The following EFNA5 variants were observed in gnomAD, a reference collection of about 807,000 sequenced individuals.
The protein encoded by EFNA5 is ephrin-A5.
EFNA5 carries 5 observed loss-of-function variants against 22.9 expected under a neutral mutation model. The ratio of observed to expected loss-of-function variants is 0.22; its 90% CI spans 0.11 to 0.46. The LOEUF (loss-of-function observed/expected upper bound fraction) is 0.46, where lower values mean the gene tolerates loss of function less well. EFNA5 is among the 20% of genes least tolerant of loss of function. The pLI, the probability that EFNA5 is intolerant of heterozygous loss-of-function variation, is 0.99. For missense variants in EFNA5, 237 were observed against 293.3 expected (o/e 0.81, Z 1.40); for synonymous variants, 113 against 112.2 (o/e 1.01, Z -0.04).
intron 1 of EFNA5, among the ~76,000 whole-genome samples, chr5:107,529,861 T>C (rs1282112604): frequency 1.3e-5 from 2 of 152,232 alleles, no homozygotes; most frequent in Non-Finnish European, 2.9e-5. Flanking sequence ...GACAGCATCC[T>C]ACATACAAAT....
intron 1 of EFNA5, among the ~76,000 whole-genome samples, chr5:107,554,628 A>G (rs1218654727): frequency 6.6e-6 from 1 of 152,218 alleles, no homozygotes; most frequent in Non-Finnish European, 1.5e-5. Flanking sequence ...ATTGATAGGC[A>G]AAGAGAAATA....
chr5:107,562,574 T>TAA (rs528594273), intron 1 of EFNA5, among the ~76,000 whole-genome samples: 2 of 151,364 alleles, frequency 1.3e-5, no homozygotes, highest in African/African-American at 2.4e-5. Flanking sequence ...CCATGGCCCA[T>TAA]TAAAAAAAAC....
intron 1 of EFNA5, among the ~76,000 whole-genome samples, chr5:107,594,747 C>T (rs1335051365): frequency 1.3e-5 from 2 of 152,140 alleles, no homozygotes; most frequent in Admixed American, 1.3e-4. Context: ...GCCTTATAGG[C>T]CTGGGGAAAT....
chr5:107,413,440 A>C lies in EFNA5; in HGVS notation c.418+13777T>G, dbSNP rs7444035. 4.3e-4 allele frequency among the ~76,000 whole-genome samples: 66 copies of C among 152,272 alleles called. 2 individuals carry two copies. Among genetic ancestry groups the C allele is most frequent in the African/African-American group, 1.5e-3 (63 of 41,566 alleles). ...GAGAGCAAAACAAACTGACAAGCAC[A>C]AAAGGCACAGACAATGGGCACTGAC... On this transcript the variant is annotated intron_variant, in intron 2 of 4. Coordinates refer to ENST00000333274, the MANE Select transcript of EFNA5 (RefSeq NM_001962.3).
chr5:107,554,329 T>C (rs762561427), intron 1 of EFNA5, among the ~76,000 whole-genome samples: 5 of 152,130 alleles, frequency 3.3e-5, no homozygotes, highest in South Asian at 2.1e-4. Context: ...GTATCAGAAA[T>C]AAAATAATTA....
At chr5:107,569,715 G>A (rs1446754023) in intron 1 of EFNA5, among the ~76,000 whole-genome samples, 1 of 148,428 alleles carries the variant, frequency 6.7e-6, no homozygotes, top group Non-Finnish European at 1.5e-5. Context: ...AGCCAGGCAT[G>A]GTGGCATGTG....
chr5:107,445,535 A>C (rs1749367279), intron 1 of EFNA5, among the ~76,000 whole-genome samples: 1 of 152,172 alleles, frequency 6.6e-6, no homozygotes, highest in Non-Finnish European at 1.5e-5. Flanking sequence ...CAGAGACTTG[A>C]CAATGGAGAA....
chr5:107,437,514 T>A (rs1749146749), intron 1 of EFNA5, among the ~76,000 whole-genome samples: 1 of 152,202 alleles, frequency 6.6e-6, no homozygotes, highest in Non-Finnish European at 1.5e-5. Context: ...ATGTATAGAT[T>A]TAGAAGAAAA....
At chr5:107,548,040 A>T in intron 1 of EFNA5, among the ~76,000 whole-genome samples, 1 of 152,222 alleles carries the variant, frequency 6.6e-6, no homozygotes, top group African/African-American at 2.4e-5. Flanking sequence ...AATTGTGAAG[A>T]ATAAACTACC....
rs889929250 is a variant in EFNA5, at chr5:107,596,204, T to C, written c.125+74285A>G. Among the ~76,000 whole-genome samples the C allele has an allele frequency of 5.9e-5, 9 of 152,354 alleles. No homozygotes were observed. The East Asian group carries it at 1.7e-3, about 29-fold the overall frequency. On this transcript the variant is annotated intron_variant, in intron 1 of 4. Transcript: ENST00000333274. The stretch of plus-strand genomic sequence containing the variant: ...GTGTACAGTACAGTAGTGTTAATTA[T>C]ATGCACAATGTTTCCAACACATCTC...
intron 1 of EFNA5, among the ~76,000 whole-genome samples, chr5:107,529,933 T>G (rs1747774627): frequency 6.6e-6 from 1 of 152,228 alleles, no homozygotes; most frequent in South Asian, 2.1e-4. Context: ...AGGTATTATC[T>G]ATACATGTCA....
intron 1 of EFNA5, among the ~76,000 whole-genome samples, chr5:107,620,534 T>TA (rs1262318675): frequency 6.6e-6 from 1 of 152,244 alleles, no homozygotes; most frequent in East Asian, 1.9e-4. Context: ...GTATTTTCAG[T>TA]ATTGCTTCCT....
chr5:107,570,549 C>T (rs1748779971), intron 1 of EFNA5, among the ~76,000 whole-genome samples: 1 of 151,384 alleles, frequency 6.6e-6, no homozygotes, highest in African/African-American at 2.4e-5. Context: ...TAGCAACTTC[C>T]TGGTCGGTGT....
chr5:107,636,986 AC>A (rs1184370526), intron 1 of EFNA5, among the ~76,000 whole-genome samples: 2 of 152,344 alleles, frequency 1.3e-5, no homozygotes, highest in East Asian at 3.9e-4. Context: ...AGAATAACCT[AC>A]TATAAATCTT....
intron 2 of EFNA5, among the ~76,000 whole-genome samples, chr5:107,389,517 C>G (rs562923555): frequency 1.9e-4 from 29 of 152,304 alleles, no homozygotes; most frequent in Admixed American, 9.8e-4. Context: ...GCCTTGTGAA[C>G]TTGATTTGCT....
At chr5:107,438,133 C>T (rs908618464) in intron 1 of EFNA5, among the ~76,000 whole-genome samples, 3 of 152,156 alleles carry the variant, frequency 2.0e-5, no homozygotes, top group Non-Finnish European at 4.4e-5. Flanking sequence ...GCTCTGTAAT[C>T]GTCAGACTTT....
At chr5:107,591,112 T>C (rs1749315631) in intron 1 of EFNA5, among the ~76,000 whole-genome samples, 1 of 151,680 alleles carries the variant, frequency 6.6e-6, no homozygotes, top group African/African-American at 2.4e-5. Context: ...GTTTTCCACG[T>C]GTTTGGGTAG....
At chr5:107,514,152 C>T (rs559490117) in intron 1 of EFNA5, among the ~76,000 whole-genome samples, 1 of 152,212 alleles carries the variant, frequency 6.6e-6, no homozygotes, top group Non-Finnish European at 1.5e-5. Flanking sequence ...AAACCCCAAT[C>T]AATCTTCCCT....
chr5:107,648,364 T>C (rs1750667653), intron 1 of EFNA5, among the ~76,000 whole-genome samples: 1 of 152,200 alleles, frequency 6.6e-6, no homozygotes, highest in Non-Finnish European at 1.5e-5. Flanking sequence ...TGCATAATTG[T>C]TTGCTGAATT....
Sources: gnomAD v4.1 joint callset for allele counts (sites outside exome capture counted in the v4.1 genomes callset) on GRCh38, gnomAD v4.1.1 for gene constraint, MANE v1.5 for transcripts, NCBI Gene and HGNC (gene_info 2026-07-23, HGNC 2026-07-21) for gene names.